Variants in SOHLH2 observed in about 807,000 individuals in gnomAD.
The protein encoded by SOHLH2 is spermatogenesis and oogenesis specific basic helix-loop-helix 2.
A neutral mutation model predicts 50.4 loss-of-function variants in SOHLH2; 22 were observed. The ratio of observed to expected loss-of-function variants is 0.44; its 90% confidence interval spans 0.31 to 0.62. The LOEUF is 0.62. Among genes scored for constraint, SOHLH2 ranks in the 20% least tolerant of loss-of-function variants. SOHLH2 has a pLI of 0.08. For missense variants in SOHLH2, 412 were observed against 504.4 expected (o/e 0.82, Z 1.76); for synonymous variants, 185 against 187.3 (o/e 0.99, Z 0.10).
chr13:36,195,922 G>T (rs1887709491), intron 2 of SOHLH2, among the ~76,000 whole-genome samples: 1 of 152,072 alleles, frequency 6.6e-6, no homozygotes, highest in Non-Finnish European at 1.5e-5. Context: ...GCATATGCAG[G>T]AGGGAGGATA....
intron 6 of SOHLH2, among the ~76,000 whole-genome samples, chr13:36,179,507 C>T (rs927062128): frequency 2.6e-5 from 4 of 152,186 alleles, no homozygotes; most frequent in Admixed American, 2.0e-4. Flanking sequence ...CTACTGGGCT[C>T]AAGTGATTCT....
intron 10 of SOHLH2, among the ~76,000 whole-genome samples, chr13:36,169,810 G>T (rs1886913223): frequency 6.6e-6 from 1 of 152,132 alleles, no homozygotes; most frequent in Non-Finnish European, 1.5e-5. Flanking sequence ...TTCCTTAGTG[G>T]CTAGAGATTG....
At chr13:36,171,745 A>C (rs1886966251) in intron 9 of SOHLH2, among the ~76,000 whole-genome samples, 1 of 152,204 alleles carries the variant, frequency 6.6e-6, no homozygotes, top group Non-Finnish European at 1.5e-5. Flanking sequence ...CCCAAACTGC[A>C]AATGCTAAAT....
intron 8 of SOHLH2, 95 bp downstream of exon 8, chr13:36,174,381 T>G: frequency 6.5e-7 from 1 of 1,534,416 alleles, no homozygotes; most frequent in Admixed American, 2.0e-5. Context: ...CCCCTGCACT[T>G]TCACTGTGGA....
In SOHLH2 at chr13:36,170,799, A is replaced by G. The variant is rs1886943385; in HGVS notation, c.1001-12T>C. The G allele has an allele frequency of 6.2e-7, 1 of 1,608,792 alleles. No individual in the cohort carries two copies. The highest frequency in any genetic ancestry group is 8.5e-7 in the Non-Finnish European group (1 of 1,176,078). On this transcript the variant is annotated splice_polypyrimidine_tract_variant and intron_variant, in intron 9 of 10. Transcript: ENST00000379881. ...GGAGCTTGATGGAACTTTAATGAGA[A>G]AGAAAACAAATATGGGTCAGTATCC... is the stretch of plus-strand genomic sequence containing the variant.
At chr13:36,178,440 T>C (rs1002186800) in intron 6 of SOHLH2, among the ~76,000 whole-genome samples, 1 of 152,172 alleles carries the variant, frequency 6.6e-6, no homozygotes, top group Admixed American at 6.5e-5. Context: ...ACTATAAATA[T>C]GTGGATCCAG....
At chr13:36,187,999 A>G (rs992199688) in intron 6 of SOHLH2, among the ~76,000 whole-genome samples, 5 of 152,090 alleles carry the variant, frequency 3.3e-5, no homozygotes, top group Non-Finnish European at 5.9e-5. Context: ...CTGTCTCTTG[A>G]AACACTCTCT....
intron 1 of SOHLH2, among the ~76,000 whole-genome samples, chr13:36,206,123 T>C (rs1329400749): frequency 1.3e-5 from 2 of 152,086 alleles, no homozygotes; most frequent in Non-Finnish European, 2.9e-5. Flanking sequence ...AGTAGCCACA[T>C]GCGGCTATTT....
chr13:36,177,841 T>C (rs960858031), intron 6 of SOHLH2, among the ~76,000 whole-genome samples: 1 of 152,058 alleles, frequency 6.6e-6, no homozygotes, highest in Non-Finnish European at 1.5e-5. Context: ...GTTTGGCAAA[T>C]ATTTTCTCCC....
rs11838606 is a variant in SOHLH2, at chr13:36,212,755, A to G, written c.48+1724T>C. Among the ~76,000 whole-genome samples, 604 of 152,368 alleles carry G rather than the reference A, an allele frequency of 4.0e-3. 7 individuals are homozygous for G. The highest frequency in any genetic ancestry group is 0.014 in the African/African-American group (569 of 41,588). On this transcript the variant is annotated intron_variant, in intron 1 of 10. Transcript: ENST00000379881. ...AATTCCACCACTCAGGGTAAGCCCT[A>G]TTAACACCTTGGTACATACCCTTTA...
chr13:36,191,963 C>T (rs1887587420), intron 4 of SOHLH2, 69 bp from the exon 5 acceptor site: 2 of 1,537,688 alleles, frequency 1.3e-6, no homozygotes, highest in Non-Finnish European at 9.0e-7. Context: ...ATCAAACACA[C>T]AAGCCCCAAT....
chr13:36,175,914 G>T (rs1256839795), intron 6 of SOHLH2, among the ~76,000 whole-genome samples: 1 of 152,100 alleles, frequency 6.6e-6, no homozygotes, highest in East Asian at 1.9e-4. Flanking sequence ...CTTTGACATG[G>T]TTCTTCCACT....
At chr13:36,206,818 A>T (rs948184149) in intron 1 of SOHLH2, among the ~76,000 whole-genome samples, 4 of 151,722 alleles carry the variant, frequency 2.6e-5, no homozygotes, top group Admixed American at 6.6e-5. Context: ...GGTTATATTT[A>T]TAATTATGGG....
chr13:36,212,523 GAATA>G (rs1230009762), intron 1 of SOHLH2, among the ~76,000 whole-genome samples: 1 of 152,182 alleles, frequency 6.6e-6, no homozygotes, highest in African/African-American at 2.4e-5. Context: ...AAAGAAAAAG[GAATA>G]AATGTTTCTA....
chr13:36,208,400 C>T (rs564737497), intron 1 of SOHLH2, among the ~76,000 whole-genome samples: 13 of 152,212 alleles, frequency 8.5e-5, no homozygotes, highest in African/African-American at 2.6e-4. Flanking sequence ...CAATCCAATA[C>T]TATCATTTAT....
At chr13:36,169,665 A>G (rs1214788268) in intron 10 of SOHLH2, among the ~76,000 whole-genome samples, 2 of 152,252 alleles carry the variant, frequency 1.3e-5, no homozygotes, top group Admixed American at 1.3e-4. Flanking sequence ...TAAGTAGGCC[A>G]ATTTAGTTTG....
At chr13:36,201,695 C>T (rs1737285519) in intron 2 of SOHLH2, among the ~76,000 whole-genome samples, 184 bp downstream of exon 2, 1 of 152,108 alleles carries the variant, frequency 6.6e-6, no homozygotes, top group Non-Finnish European at 1.5e-5. Flanking sequence ...GTCTGGAACT[C>T]CCGGGTTAAA....
At chr13:36,200,201 G>T (rs1283321248) in intron 2 of SOHLH2, among the ~76,000 whole-genome samples, 1 of 152,152 alleles carries the variant, frequency 6.6e-6, no homozygotes, top group Non-Finnish European at 1.5e-5. Flanking sequence ...TGATATAAAT[G>T]AAGTATTATG....
intron 6 of SOHLH2, among the ~76,000 whole-genome samples, chr13:36,180,122 T>C (rs886872919): frequency 1.1e-4 from 17 of 152,220 alleles, no homozygotes; most frequent in Non-Finnish European, 2.9e-5. Context: ...TTTTGATAAA[T>C]TGTGATTTTC....
Sources: allele counts gnomAD v4.1 joint callset (sites outside exome capture counted in the v4.1 genomes callset), GRCh38; gene constraint gnomAD v4.1.1; transcripts MANE v1.5; gene names NCBI Gene and HGNC (gene_info 2026-07-23, HGNC 2026-07-21).